The following FABP3 variants were observed in gnomAD, a reference collection of about 807,000 sequenced individuals.
The protein encoded by FABP3 is fatty acid-binding protein, heart.
FABP3 carries 8 observed loss-of-function variants against 13.4 expected under a neutral mutation model. That is an observed-to-expected ratio of 0.60 (90% CI 0.35 to 1.07). The LOEUF is 1.07. FABP3 is among the 50% of genes least tolerant of loss of function. FABP3 has a pLI of 0.02. For missense variants in FABP3, 135 were observed against 164.7 expected, an observed-to-expected ratio of 0.82 and a Z score of 0.99; for synonymous variants, 64 against 60.0, an observed-to-expected ratio of 1.07 and a Z score of -0.31.
rs374828766 is a variant in FABP3, at chr1:31,365,832, T to C, written c.*54A>G. ...AGGAAGAAATGAGGCAATGTGGTGC[T>C]GAGTCGAGGGGTAGCCGATTGGCAG... is the stretch of plus-strand genomic sequence containing the variant. On this transcript the variant is annotated 3_prime_UTR_variant, in exon 4 of 4. Transcript: ENST00000373713. The C allele has an allele frequency of 2.6e-6, 4 of 1,513,964 alleles. No individual in the cohort carries two copies. Among genetic ancestry groups the C allele is most frequent in the Middle Eastern group, 3.4e-4 (2 of 5,876 alleles). 93.8% of individuals were successfully genotyped at this position (1,513,964 alleles called of 1,614,324 possible).
downstream of FABP3, chr1:31,364,987 T>C (rs1451559190): frequency 6.6e-6 from 1 of 152,240 alleles, no homozygotes; most frequent in East Asian, 1.9e-4. Flanking sequence ...ACTTACAGAC[T>C]TAAAGTCACT....
chr1:31,372,544 C>T (rs1466995327), intron 1 of FABP3, among the ~76,000 whole-genome samples: 1 of 152,198 alleles, frequency 6.6e-6, no homozygotes, highest in East Asian at 1.9e-4. Context: ...ATTGTACACT[C>T]CCTGGCTGCC....
chr1:31,360,487 T>C (rs1169841318), downstream of FABP3, among the ~76,000 whole-genome samples: 1 of 152,196 alleles, frequency 6.6e-6, no homozygotes, highest in Admixed American at 6.5e-5. Flanking sequence ...ACTTCGGATG[T>C]GATTGTTCTT....
At chr1:31,372,630 A>C (rs1283823406) in intron 1 of FABP3, among the ~76,000 whole-genome samples, 1 of 151,338 alleles carries the variant, frequency 6.6e-6, no homozygotes, top group Non-Finnish European at 1.5e-5. Context: ...CCCTGGCTAC[A>C]CTCCCTTTCC....
Position 31,372,569 on chromosome 1 carries a change from G to A in FABP3, c.73+373C>T, listed in dbSNP as rs1056370314. On this transcript the variant is annotated intron_variant, in intron 1 of 3. Coordinates refer to ENST00000373713, the MANE Select transcript of FABP3 (RefSeq NM_004102.5). ...CCCTGGCTGCCCCATTCCCTTTCTGGGTTCAGTCTCCTCCAATTTCTAAAC... is the reference window on the plus strand; with the variant it reads ...CCCTGGCTGCCCCATTCCCTTTCTGAGTTCAGTCTCCTCCAATTTCTAAAC... 2.0e-5 allele frequency among the ~76,000 whole-genome samples: 3 copies of A among 151,838 alleles called. No individual in the cohort carries two copies. In the East Asian group the frequency reaches 5.8e-4, roughly 29 times the overall value.
chr1:31,365,997 T>C, intron 3 of FABP3, 58 bp from the exon 4 acceptor site: 1 of 1,469,374 alleles, frequency 6.8e-7, no homozygotes, highest in Non-Finnish European at 9.5e-7. Flanking sequence ...TTGCGAGCAT[T>C]CTACCCTCCC....
At chr1:31,362,874 A>G (rs1639970402), downstream of FABP3, among the ~76,000 whole-genome samples, 1 of 152,240 alleles carries the variant, frequency 6.6e-6, no homozygotes. Context: ...CAAATTAGAC[A>G]GAAGTATTTG....
downstream of FABP3, chr1:31,364,587 C>T (rs908521176): frequency 1.6e-4 from 33 of 200,958 alleles, no homozygotes; most frequent in African/African-American, 7.3e-4. Flanking sequence ...AGTGATTGGA[C>T]CCTTCCTATT....
intron 2 of FABP3, among the ~76,000 whole-genome samples, chr1:31,367,733 G>A (rs959754099): frequency 1.3e-5 from 2 of 152,240 alleles, no homozygotes; most frequent in Non-Finnish European, 2.9e-5. Context: ...GGCAAGGAGG[G>A]AGAGGCAGGC....
rs756453898 is a variant in FABP3 at position 31,367,422 on chromosome 1, G to A, written c.319C>T (p.Arg107Trp). 156 of 1,614,010 alleles carry A rather than the reference G, an allele frequency of 9.7e-5. No individual in the cohort carries two copies. Among genetic ancestry groups the A allele is most frequent in the Non-Finnish European group, 1.2e-4 (146 of 1,179,998 alleles). Residue 107 changes from arginine (R) to tryptophan (W), a missense_variant, in exon 3 of 4, where the codon CGG (arginine) becomes TGG (tryptophan). Arg to Trp is a moderately radical substitution (Grantham distance 101). Coordinates refer to ENST00000373713, the MANE Select transcript of FABP3 (RefSeq NM_004102.5). ...ATGAGTTTTCCATCAATTAGCTCCC[G>A]CACAAGTGTGGTCTCTTGCCCGTCC... ...KWDGQETTLVRELIDGKLILT... is the reference protein window; with the variant it reads ...KWDGQETTLVWELIDGKLILT...
intron 1 of FABP3, among the ~76,000 whole-genome samples, chr1:31,372,221 C>T (rs993039457): frequency 6.6e-6 from 1 of 152,162 alleles, no homozygotes; most frequent in Non-Finnish European, 1.5e-5. Flanking sequence ...CTTTCTCTGC[C>T]TACCCCTCGC....
chr1:31,370,249 A>T (rs1640183529), intron 1 of FABP3, among the ~76,000 whole-genome samples: 1 of 152,196 alleles, frequency 6.6e-6, no homozygotes, highest in African/African-American at 2.4e-5. Context: ...CCAGGGTCAC[A>T]AATCTGAGAT....
At chr1:31,363,799 G>A (rs1640022621), downstream of FABP3, among the ~76,000 whole-genome samples, 1 of 152,012 alleles carries the variant, frequency 6.6e-6, no homozygotes, top group Admixed American at 6.6e-5. Flanking sequence ...AAAATTAAGT[G>A]GTCCCCTATT....
downstream of FABP3, chr1:31,364,337 C>A: frequency 7.1e-7 from 1 of 1,402,142 alleles, no homozygotes; most frequent in Non-Finnish European, 9.4e-7. Flanking sequence ...CCTCATGCAA[C>A]AGGCAGGTTT....
rs1161770591 is a variant in FABP3, at chr1:31,369,442, G to C, written c.189C>G (p.Ile63Met). The C allele has an allele frequency of 1.9e-6, 3 of 1,614,100 alleles. No homozygotes were observed. Among genetic ancestry groups the C allele is most frequent in the Non-Finnish European group, 2.5e-6 (3 of 1,180,038 alleles). Residue 63 changes from isoleucine to methionine, a missense_variant, in exon 2 of 4, where the codon ATC becomes ATG. Transcript: ENST00000373713. Reference protein sequence around the residue: ...KTHSTFKNTEISFKLGVEFDE... With the variant: ...KTHSTFKNTEMSFKLGVEFDE... ...CGAACTCCACCCCCAACTTAAAGCTGATCTCTGTGTTCTTGAAGGTGCTGT... is the reference window on the plus strand; with the variant it reads ...CGAACTCCACCCCCAACTTAAAGCTCATCTCTGTGTTCTTGAAGGTGCTGT...
intron 3 of FABP3, among the ~76,000 whole-genome samples, chr1:31,366,667 TG>T (rs1415840805): frequency 6.6e-6 from 1 of 152,216 alleles, no homozygotes; most frequent in Admixed American, 6.5e-5. Flanking sequence ...TCCCTGGGTC[TG>T]GGGGGAATTC....
intron 1 of FABP3, among the ~76,000 whole-genome samples, chr1:31,370,946 C>T (rs925243118): frequency 3.3e-5 from 5 of 152,156 alleles, no homozygotes; most frequent in African/African-American, 9.7e-5. Context: ...GTAACAGCCT[C>T]GAAGCGTAGA....
At chr1:31,362,877 A>C (rs1639970699), downstream of FABP3, among the ~76,000 whole-genome samples, 1 of 152,204 alleles carries the variant, frequency 6.6e-6, no homozygotes, top group Non-Finnish European at 1.5e-5. Flanking sequence ...ATTAGACAGA[A>C]GTATTTGAAG....
Position 31,365,704 on chromosome 1 carries a change from T to TAAAAA in FABP3, c.*177_*181dup. On this transcript the variant is annotated 3_prime_UTR_variant, in exon 4 of 4. Transcript: ENST00000373713. ...CCTCAGAGCACCCTATGAGTGCAGT[T>TAAAAA]AAAAAAAAAAAAAAAAAACCACATA... 2.4e-5 allele frequency: 11 copies of TAAAAA among 456,832 alleles called. No individual in the cohort carries two copies. The highest frequency in any genetic ancestry group is 8.2e-5 in the East Asian group (2 of 24,500). 28.3% of individuals were successfully genotyped at this position (456,832 alleles called of 1,614,324 possible). A position where few individuals can be genotyped will look rare whatever the true frequency, so the allele number is the denominator to read the frequency against.
Sources: allele counts gnomAD v4.1 joint callset (sites outside exome capture counted in the v4.1 genomes callset), GRCh38; gene constraint gnomAD v4.1.1; transcripts MANE v1.5; gene names NCBI Gene and HGNC (gene_info 2026-07-23, HGNC 2026-07-21).